MAGI1: variants seen among roughly 807,000 people sequenced by gnomAD.
MAGI1 encodes the protein membrane-associated guanylate kinase, WW and PDZ domain-containing protein 1.
In MAGI1, 58 loss-of-function variants were observed where a neutral mutation model predicts 139.9. The observed-to-expected ratio is 0.41, with a 90% CI of 0.34 to 0.52. The LOEUF is 0.52. MAGI1 is among the 20% of genes least tolerant of loss of function. The pLI, the probability that MAGI1 is intolerant of heterozygous loss-of-function variation, is 0.12. For missense variants in MAGI1, 1,874 were observed against 1,901.6 expected, an observed-to-expected ratio of 0.99 and a Z score of 0.27; for synonymous variants, 812 against 737.9, an observed-to-expected ratio of 1.10 and a Z score of -1.63.
intron 1 of MAGI1, among the ~76,000 whole-genome samples, chr3:65,967,980 T>C (rs146260057): frequency 3.3e-3 from 509 of 152,330 alleles, no homozygotes; most frequent in Middle Eastern, 6.8e-3. Context: ...AGACAGGTTA[T>C]GTCTTTCACA....
At chr3:65,737,753 A>G (rs1283789302) in intron 1 of MAGI1, among the ~76,000 whole-genome samples, 1 of 152,170 alleles carries the variant, frequency 6.6e-6, no homozygotes, top group Non-Finnish European at 1.5e-5. Flanking sequence ...TAAATGAGGA[A>G]GTGAGATCAC....
At chr3:65,840,409 T>C (rs1227751042) in intron 1 of MAGI1, among the ~76,000 whole-genome samples, 2 of 152,216 alleles carry the variant, frequency 1.3e-5, no homozygotes, top group East Asian at 1.9e-4. Context: ...ATGTAGATAC[T>C]CCATATTGAG....
At chr3:65,429,368 T>C (rs1187965382) in intron 12 of MAGI1, 152 bp downstream of exon 12, 1 of 759,754 alleles carries the variant, frequency 1.3e-6, no homozygotes. Flanking sequence ...ACAATTTTTA[T>C]GCTAAAGAGG....
intron 1 of MAGI1, among the ~76,000 whole-genome samples, chr3:65,870,262 G>A (rs575613931): frequency 1.3e-5 from 2 of 151,410 alleles, no homozygotes; most frequent in Non-Finnish European, 2.9e-5. Context: ...AGGATCCAAC[G>A]TCAATTCAAT....
chr3:65,503,016 A>C (rs1296692065), intron 2 of MAGI1, among the ~76,000 whole-genome samples: 1 of 152,192 alleles, frequency 6.6e-6, no homozygotes, highest in Non-Finnish European at 1.5e-5. Flanking sequence ...TCACGTGAAT[A>C]AATGTGACTC....
Position 65,470,339 on chromosome 3 carries a change from A to C in MAGI1, c.903T>G (p.Pro301=), listed in dbSNP as rs139693944. 3.7e-6 allele frequency: 6 copies of C among 1,613,738 alleles called. No individual in the cohort carries two copies. In the African/African-American group the frequency reaches 8.0e-5, roughly 22 times the overall value. Residue 301 remains proline, a synonymous_variant, in exon 5 of 23, where the codon CCT becomes CCG. Coordinates refer to ENST00000402939, the MANE Select transcript of MAGI1 (RefSeq NM_001033057.2). ...AGGCCATCTCCCAGTTTTCAGGTAG[A>C]GGACCTAAATTATCCTCTGCAGAAA... ...LPLSAEDNLG[P]LPENWEMAYT... is the part of the protein sequence containing the mutation.
intron 12 of MAGI1, among the ~76,000 whole-genome samples, chr3:65,409,121 T>C (rs1945580067): frequency 6.6e-6 from 1 of 152,208 alleles, no homozygotes; most frequent in South Asian, 2.1e-4. Context: ...CATGAGACCA[T>C]TCATTCATAC....
chr3:65,374,802 T>TA (rs1216142231), intron 18 of MAGI1, among the ~76,000 whole-genome samples: 1 of 152,142 alleles, frequency 6.6e-6, no homozygotes, highest in Non-Finnish European at 1.5e-5. Context: ...AATCACCACT[T>TA]ACATAAAAGA....
intron 1 of MAGI1, among the ~76,000 whole-genome samples, chr3:65,848,832 G>C (rs2059098684): frequency 6.6e-6 from 1 of 151,768 alleles, no homozygotes; most frequent in Non-Finnish European, 1.5e-5. Flanking sequence ...CACCACAGCA[G>C]ATCACCAAAT....
chr3:65,869,439 C>T (rs962969022), intron 1 of MAGI1, among the ~76,000 whole-genome samples: 1 of 150,220 alleles, frequency 6.7e-6, no homozygotes, highest in African/African-American at 2.5e-5. Context: ...CTTGCTCTCT[C>T]ACCCAGGTTG....
At chr3:65,948,374 C>A (rs894026252) in intron 1 of MAGI1, among the ~76,000 whole-genome samples, 2 of 152,182 alleles carry the variant, frequency 1.3e-5, no homozygotes, top group African/African-American at 4.8e-5. Flanking sequence ...TCTGCCTTTT[C>A]TTTGAGACTT....
At chr3:65,443,064 G>A (rs1948454101) in intron 7 of MAGI1, among the ~76,000 whole-genome samples, 1 of 151,378 alleles carries the variant, frequency 6.6e-6, no homozygotes, top group South Asian at 2.1e-4. Flanking sequence ...GGTATTTTAT[G>A]CAAGAAAATA....
chr3:65,606,222 T>A (rs2082729920), intron 2 of MAGI1, among the ~76,000 whole-genome samples: 1 of 152,246 alleles, frequency 6.6e-6, no homozygotes, highest in South Asian at 2.1e-4. Context: ...AGAAGGGCTA[T>A]GAGTCAAACA....
chr3:65,530,439 C>T (rs1266331282), intron 2 of MAGI1, among the ~76,000 whole-genome samples: 1 of 151,684 alleles, frequency 6.6e-6, no homozygotes, highest in Non-Finnish European at 1.5e-5. Context: ...TGTAATGAGA[C>T]CCCGTCTCTA....
At chr3:65,549,218 GGGC>G (rs2079687592) in intron 2 of MAGI1, among the ~76,000 whole-genome samples, 1 of 152,146 alleles carries the variant, frequency 6.6e-6, no homozygotes, top group Admixed American at 6.5e-5. Context: ...ACGCCCGGGC[GGGC>G]GGCAAGTGCA....
At chr3:65,685,095 C>G (rs1434416734) in intron 1 of MAGI1, among the ~76,000 whole-genome samples, 1 of 151,530 alleles carries the variant, frequency 6.6e-6, no homozygotes, top group African/African-American at 2.4e-5. Flanking sequence ...CTGGAGGAAA[C>G]CAAACTAAGT....
chr3:65,607,868 A>C (rs1181773592), intron 2 of MAGI1, among the ~76,000 whole-genome samples: 3 of 152,210 alleles, frequency 2.0e-5, no homozygotes, highest in Non-Finnish European at 4.4e-5. Flanking sequence ...CAACTATAAA[A>C]AAGAGAATAG....
At chr3:65,725,722 A>G (rs1413218063) in intron 1 of MAGI1, among the ~76,000 whole-genome samples, 25 of 152,344 alleles carry the variant, frequency 1.6e-4, no homozygotes, top group Middle Eastern at 6.8e-3. Context: ...AGATCCTGGA[A>G]TAAGTAGCAG....
At chr3:65,568,771 G>T (rs1255717183) in intron 2 of MAGI1, among the ~76,000 whole-genome samples, 1 of 152,150 alleles carries the variant, frequency 6.6e-6, no homozygotes, top group Admixed American at 6.5e-5. Context: ...CTCTGATAAT[G>T]CTCCATAACT....
Sources: allele counts gnomAD v4.1 joint callset (sites outside exome capture counted in the v4.1 genomes callset), GRCh38; gene constraint gnomAD v4.1.1; transcripts MANE v1.5; gene names NCBI Gene and HGNC (gene_info 2026-07-23, HGNC 2026-07-21).